MYO1B: variants seen among roughly 807,000 people sequenced by gnomAD.
The protein encoded by MYO1B is myosin IB.
Under a neutral mutation model 159.7 loss-of-function variants are expected in MYO1B, and 72 were observed. The observed-to-expected ratio is 0.45, with a 90% CI of 0.37 to 0.55. The LOEUF is 0.55. Among genes scored for constraint, MYO1B ranks in the 20% least tolerant of loss-of-function variants. MYO1B has a pLI of 0.00. For missense variants in MYO1B, 1,062 were observed against 1,364.8 expected (o/e 0.78, Z 3.50); for synonymous variants, 468 against 473.8 (o/e 0.99, Z 0.16).
intron 11 of MYO1B, among the ~76,000 whole-genome samples, chr2:191,369,153 T>C (rs996800965): frequency 2.0e-5 from 3 of 152,194 alleles, no homozygotes; most frequent in African/African-American, 7.2e-5. Context: ...AGCATTTCCA[T>C]TTCATTACCT....
At position 191,400,469 on chromosome 2, in the gene MYO1B, G is replaced by A; in HGVS notation, c.2382+1G>A. 6.2e-7 allele frequency: 1 copy of A among 1,614,154 alleles called. No individual in the cohort carries two copies. Among genetic ancestry groups the A allele is most frequent in the South Asian group, 1.1e-5 (1 of 91,090 alleles). On this transcript the variant is annotated splice_donor_variant, in intron 22 of 30. Transcript: ENST00000392318. LOFTEE classifies it high-confidence loss of function. ...TGCTGCATATTGGCATGGGACCCAG[G>A]TAGGCCCGAGACCCCAAGGAAGGCG...
At chr2:191,414,484 A>G (rs767589619) in intron 28 of MYO1B, 33 bp from the exon 29 acceptor site, 1 of 1,561,640 alleles carries the variant, frequency 6.4e-7, no homozygotes, top group Non-Finnish European at 8.7e-7. Context: ...ATTTGTGATC[A>G]TTGGTTTTAT....
intron 26 of MYO1B, among the ~76,000 whole-genome samples, chr2:191,410,397 A>G (rs1697184224): frequency 6.6e-6 from 1 of 152,100 alleles, no homozygotes; most frequent in Admixed American, 6.5e-5. Flanking sequence ...TCATCTAAAA[A>G]ACCTGGCCCT....
In MYO1B at chr2:191,386,048, T is replaced by A. The variant is rs1453053008; in HGVS notation, c.1518T>A (p.Pro506=). The change falls in exon 16 of 31, where the codon CCT becomes CCA. Residue 506 remains proline (P), a synonymous_variant. Coordinates refer to ENST00000392318, the MANE Select transcript of MYO1B (RefSeq NM_001130158.3). ...CSRFLNDTSL[P]HSCFRIQHYA... is the part of the protein sequence containing the mutation. ...GGTTCCTCAATGACACGTCTCTGCCTCACAGCTGCTTCAGGATCCAGCATT... is the reference window on the plus strand; with the variant it reads ...GGTTCCTCAATGACACGTCTCTGCCACACAGCTGCTTCAGGATCCAGCATT... 1 of 1,613,968 alleles carries A rather than the reference T, an allele frequency of 6.2e-7. No individual in the cohort carries two copies. Among genetic ancestry groups the A allele is most frequent in the African/African-American group, 1.3e-5 (1 of 74,894 alleles).
At chr2:191,370,133 ATAAT>A (rs888934622) in intron 12 of MYO1B, 90 bp from the exon 13 acceptor site, 7 of 804,452 alleles carry the variant, frequency 8.7e-6, no homozygotes, top group Non-Finnish European at 1.4e-5. Flanking sequence ...CTTAAGAAAC[ATAAT>A]TAATTTGTAA....
At chr2:191,387,124 G>T in intron 16 of MYO1B, 100 bp from the exon 17 acceptor site, 1 of 1,184,908 alleles carries the variant, frequency 8.4e-7, no homozygotes, top group South Asian at 1.5e-5. Flanking sequence ...GATGGTGAAG[G>T]AAGTGGCTGC....
chr2:191,350,102 A>G, intron 6 of MYO1B, 60 bp from the exon 7 acceptor site: 2 of 1,354,972 alleles, frequency 1.5e-6, no homozygotes, highest in Non-Finnish European at 2.1e-6. Flanking sequence ...TTCTCTAAGA[A>G]GTACACTGAG....
At chr2:191,356,811 G>T (rs909594557) in intron 7 of MYO1B, among the ~76,000 whole-genome samples, 4 of 152,314 alleles carry the variant, frequency 2.6e-5, no homozygotes, top group Non-Finnish European at 4.4e-5. Context: ...ACTGGCATAT[G>T]CTTGTTGTTT....
intron 16 of MYO1B, 87 bp from the exon 17 acceptor site, chr2:191,387,137 T>C: frequency 2.3e-6 from 3 of 1,326,940 alleles, no homozygotes; most frequent in Admixed American, 2.1e-5. Flanking sequence ...GTGGCTGCAA[T>C]GTAGATAGTC....
chr2:191,353,917 A>G (rs1250470434), intron 7 of MYO1B, among the ~76,000 whole-genome samples: 1 of 152,172 alleles, frequency 6.6e-6, no homozygotes, highest in Non-Finnish European at 1.5e-5. Context: ...CTCTATAAGG[A>G]TAGAGCCTTA....
intron 3 of MYO1B, among the ~76,000 whole-genome samples, chr2:191,304,660 A>C (rs1292655054): frequency 1.3e-5 from 2 of 152,198 alleles, no homozygotes; most frequent in Non-Finnish European, 2.9e-5. Context: ...TTTCTTCCAG[A>C]TCATGAAGCT....
chr2:191,325,448 G>A (rs927617348), intron 3 of MYO1B, among the ~76,000 whole-genome samples: 5 of 152,142 alleles, frequency 3.3e-5, no homozygotes, highest in Non-Finnish European at 5.9e-5. Flanking sequence ...GACAAATTTA[G>A]TTCTGTTAAA....
At chr2:191,325,317 G>T (rs778098538) in intron 3 of MYO1B, among the ~76,000 whole-genome samples, 1 of 152,122 alleles carries the variant, frequency 6.6e-6, no homozygotes, top group Non-Finnish European at 1.5e-5. Context: ...GGTGTTATTT[G>T]AAAGTACTCT....
At chr2:191,352,290 T>C (rs1039597434) in intron 7 of MYO1B, among the ~76,000 whole-genome samples, 2 of 152,356 alleles carry the variant, frequency 1.3e-5, no homozygotes, top group Non-Finnish European at 2.9e-5. Context: ...TTTAGTGCTT[T>C]CTTTTTACAA....
intron 18 of MYO1B, among the ~76,000 whole-genome samples, chr2:191,391,720 C>T (rs1265553997): frequency 6.6e-6 from 1 of 152,140 alleles, no homozygotes. Flanking sequence ...TTCTCAGGGG[C>T]AGAAACAATG....
At chr2:191,322,143 G>A (rs1009091603) in intron 3 of MYO1B, among the ~76,000 whole-genome samples, 3 of 152,214 alleles carry the variant, frequency 2.0e-5, no homozygotes, top group African/African-American at 7.2e-5. Context: ...AGGATGCTCC[G>A]CTATGGGGAA....
Position 191,369,472 on chromosome 2 carries a change from T to G in MYO1B, c.1033-70T>G. On this transcript the variant is annotated intron_variant, in intron 11 of 30. Coordinates refer to ENST00000392318, the MANE Select transcript of MYO1B (RefSeq NM_001130158.3). ...CTTCAAATATTTTTTAAAAGTATCTTTATGATTTTATTAAAAGTAAGCATT... is the reference window on the plus strand; with the variant it reads ...CTTCAAATATTTTTTAAAAGTATCTGTATGATTTTATTAAAAGTAAGCATT... The G allele has an allele frequency of 3.5e-6, 4 of 1,154,638 alleles. No individual in the cohort carries two copies. In the South Asian group the frequency reaches 5.4e-5, roughly 16 times the overall value. The allele number at this position is 1,154,638 out of a possible 1,614,324, so 71.5% of individuals were successfully genotyped here. A position where few individuals can be genotyped will look rare whatever the true frequency, so the allele number is the denominator to read the frequency against.
chr2:191,325,522 A>T (rs545865453), intron 3 of MYO1B, among the ~76,000 whole-genome samples: 47 of 152,274 alleles, frequency 3.1e-4, no homozygotes, highest in African/African-American at 1.1e-3. Context: ...TCTTTGGAGA[A>T]TGATTTCTCA....
chr2:191,400,984 A>G, intron 23 of MYO1B, 149 bp downstream of exon 23: 1 of 717,600 alleles, frequency 1.4e-6, no homozygotes, highest in Non-Finnish European at 2.3e-6. Context: ...ACCTGGAAAC[A>G]TTAGTTCAGT....
Sources: allele counts gnomAD v4.1 joint callset (sites outside exome capture counted in the v4.1 genomes callset), GRCh38; gene constraint gnomAD v4.1.1; transcripts MANE v1.5; gene names NCBI Gene and HGNC (gene_info 2026-07-23, HGNC 2026-07-21).